JCAD: variants seen among roughly 807,000 people sequenced by gnomAD.
The protein encoded by JCAD is junctional cadherin 5 associated, also known as junctional cadherin 5-associated protein.
Under a neutral mutation model 98.0 loss-of-function variants are expected in JCAD, and 40 were observed. The ratio of observed to expected loss-of-function variants is 0.41; its 90% CI spans 0.32 to 0.53. The LOEUF is 0.53. JCAD is among the 20% of genes least tolerant of loss of function. The pLI, the probability that JCAD is intolerant of heterozygous loss-of-function variation, is 0.31. For missense variants in JCAD, 1,705 were observed against 1,738.1 expected (o/e 0.98, Z 0.34); for synonymous variants, 691 against 682.3 (o/e 1.01, Z -0.20).
Position 30,028,047 on chromosome 10 carries a change from T to C in JCAD, c.2101A>G (p.Ser701Gly). ...TTTGCACCAGGGAGCAGCTGCGAAC[T>C]TTGGGGCTCCTCGGAGAAACTGGTT... ...TQTSFSEEPQ[S>G]SQLLPGAKLG... The change falls in exon 3 of 4, where the codon AGT becomes GGT. Residue 701 changes from serine to glycine, a missense_variant. Around this residue, in one of 3 missense-constraint regions of JCAD, gnomAD observed 1,278 missense variants for 1,243.1 expected, o/e 1.03. Transcript: ENST00000375377. 6.2e-7 allele frequency: 1 copy of C among 1,614,236 alleles called. No homozygotes were observed. Among genetic ancestry groups the C allele is most frequent in the South Asian group, 1.1e-5 (1 of 91,082 alleles).
chr10:30,049,908 G>C (rs866698163), intron 1 of JCAD, among the ~76,000 whole-genome samples: 1 of 152,176 alleles, frequency 6.6e-6, no homozygotes, highest in Non-Finnish European at 1.5e-5. Context: ...AGACAGAAGT[G>C]TTTGAGCTAG....
At position 30,015,692 on chromosome 10, in the gene JCAD, G is replaced by A. The variant is rs1480119663; in HGVS notation, c.*2191C>T. On this transcript the variant is annotated 3_prime_UTR_variant, in exon 4 of 4. Transcript: ENST00000375377. ...GAATGAGCTAAAATTAAGTTATTTTGATTCAAAGAGGTATTTAGATGGTAT... is the reference window on the plus strand; with the variant it reads ...GAATGAGCTAAAATTAAGTTATTTTAATTCAAAGAGGTATTTAGATGGTAT... The A allele has an allele frequency of 1.3e-5, 2 of 152,184 alleles. No individual in the cohort carries two copies. Among genetic ancestry groups the A allele is most frequent in the Non-Finnish European group, 2.9e-5 (2 of 68,036 alleles). The allele number at this position is 152,184 out of a possible 1,614,324, so 9.4% of individuals were successfully genotyped here.
intron 1 of JCAD, among the ~76,000 whole-genome samples, chr10:30,115,026 G>T (rs566215275): frequency 6.6e-6 from 1 of 152,178 alleles, no homozygotes; most frequent in South Asian, 2.1e-4. Context: ...AGCTGGTCAC[G>T]TGACCAACCT....
At chr10:30,087,030 C>A (rs111509427) in intron 1 of JCAD, among the ~76,000 whole-genome samples, 282 of 152,226 alleles carry the variant, frequency 1.9e-3, no homozygotes, top group Non-Finnish European at 3.5e-3. Context: ...CAATTAAGCA[C>A]GTAGTGTGGT....
chr10:30,096,755 C>G (rs1564471302), intron 1 of JCAD, among the ~76,000 whole-genome samples: 2 of 151,898 alleles, frequency 1.3e-5, no homozygotes, highest in Non-Finnish European at 2.9e-5. Context: ...TAGATTAAGG[C>G]TGCACGACAC....
Position 30,027,587 on chromosome 10 carries a change from C to G in JCAD, c.2561G>C (p.Ser854Thr). The G allele has an allele frequency of 6.2e-7, 1 of 1,614,226 alleles. No individual in the cohort carries two copies. The change falls in exon 3 of 4, where the codon AGC (serine) becomes ACC (threonine). Residue 854 changes from serine (S) to threonine (T), a missense_variant. Physicochemically the swap from Ser to Thr is moderately conservative, Grantham distance 58. Transcript: ENST00000375377. ...EEEESSSSSSSSSSSSEESEA... is the reference protein window; with the variant it reads ...EEEESSSSSSTSSSSSEESEA... The stretch of plus-strand genomic sequence containing the variant: ...ACTCTCCTCACTGCTGCTGCTGCTG[C>G]TGCTGCTGCTACTGCTGCTTTCTTC...
chr10:30,041,851 A>G (rs1837248616), intron 2 of JCAD, among the ~76,000 whole-genome samples: 1 of 152,236 alleles, frequency 6.6e-6, no homozygotes, highest in Non-Finnish European at 1.5e-5. Flanking sequence ...GCCTGATAAC[A>G]GCCTTTTACA....
chr10:30,113,872 T>G (rs527528017), intron 1 of JCAD, among the ~76,000 whole-genome samples: 8 of 152,300 alleles, frequency 5.3e-5, no homozygotes, highest in Admixed American at 4.6e-4. Flanking sequence ...AGGTGCATTT[T>G]CCTTTAAAAA....
intron 1 of JCAD, among the ~76,000 whole-genome samples, chr10:30,096,506 C>G (rs1292056067): frequency 6.6e-6 from 1 of 152,104 alleles, no homozygotes; most frequent in Non-Finnish European, 1.5e-5. Context: ...TTCATCACAC[C>G]TTGACATGAC....
chr10:30,026,004 T>A, intron 3 of JCAD, 99 bp downstream of exon 3: 5 of 1,367,816 alleles, frequency 3.7e-6, no homozygotes, highest in Non-Finnish European at 5.1e-6. Flanking sequence ...TGATCTTTTC[T>A]GAATATGCAG....
At chr10:30,062,590 T>G (rs775238593), upstream of JCAD, among the ~76,000 whole-genome samples, 1 of 151,978 alleles carries the variant, frequency 6.6e-6, no homozygotes, top group Admixed American at 6.6e-5. Flanking sequence ...GGTAATTTAT[T>G]AAGGAAAGAG....
In JCAD at chr10:30,027,156, C is replaced by G. The variant is rs752910983; in HGVS notation, c.2992G>C (p.Glu998Gln). Reference protein sequence around the residue: ...LPASYPAEPREPQESPKITSA... With the variant: ...LPASYPAEPRQPQESPKITSA... ...GTGATTTTCGGACTTTCCTGGGGCTCCCTAGGTTCAGCTGGATAGGACGCG... is the reference window on the plus strand; with the variant it reads ...GTGATTTTCGGACTTTCCTGGGGCTGCCTAGGTTCAGCTGGATAGGACGCG... Residue 998 changes from glutamate to glutamine, a missense_variant, in exon 3 of 4, where the codon GAG becomes CAG. By Grantham distance (29) the Glu-to-Gln change is conservative. Coordinates refer to ENST00000375377, the MANE Select transcript of JCAD (RefSeq NM_020848.4). The G allele has an allele frequency of 2.4e-5, 38 of 1,613,970 alleles. No individual in the cohort carries two copies. The highest frequency in any genetic ancestry group is 3.2e-5 in the Non-Finnish European group (38 of 1,179,966).
In JCAD at chr10:30,115,129, C is replaced by G. The variant is rs148053564; in HGVS notation, n.128+238G>C. Among the ~76,000 whole-genome samples, 126 of 152,272 alleles carry G rather than the reference C, an allele frequency of 8.3e-4. 3 individuals are homozygous for G. Among genetic ancestry groups the G allele is most frequent in the Admixed American group, 1.5e-3 (23 of 15,288 alleles). ...ACCAAATGCGATGCGGCGACTCCAA[C>G]GAAGCATCTCTCTTTCTCAAACACC... On this transcript the variant is annotated intron_variant and non_coding_transcript_variant, in intron 1 of 2. Transcript: ENST00000465712.
intron 3 of JCAD, among the ~76,000 whole-genome samples, chr10:30,025,841 G>A (rs1487388080): frequency 2.0e-5 from 3 of 152,142 alleles, no homozygotes; most frequent in Admixed American, 6.5e-5. Context: ...GCAGTGAGCA[G>A]AGATTGCACA....
intron 1 of JCAD, among the ~76,000 whole-genome samples, chr10:30,053,554 T>G (rs1289424016): frequency 8.1e-6 from 1 of 123,628 alleles, no homozygotes; most frequent in Non-Finnish European, 1.8e-5. Flanking sequence ...GCGGATACTC[T>G]GTCTCAAAAA....
At chr10:30,041,986 TTGTG>T in intron 2 of JCAD, among the ~76,000 whole-genome samples, 1 of 151,628 alleles carries the variant, frequency 6.6e-6, no homozygotes, top group East Asian at 1.9e-4. Context: ...GTGTGTGTGT[TTGTG>T]TGTGTGTGTG....
Position 30,048,298 on chromosome 10 carries a change from T to A in JCAD, c.-59-427A>T, listed in dbSNP as rs1837397731. Among the ~76,000 whole-genome samples the A allele has an allele frequency of 3.3e-5, 5 of 152,118 alleles. No individual in the cohort carries two copies. In the South Asian group the frequency reaches 1.0e-3, roughly 32 times the overall value. On this transcript the variant is annotated intron_variant, in intron 1 of 3. Coordinates refer to ENST00000375377, the MANE Select transcript of JCAD (RefSeq NM_020848.4). ...TTTCTAAAAAGAGAAACCACCAATATCCAGCTTAATCTTAGGACACGCCCC... is the reference window on the plus strand; with the variant it reads ...TTTCTAAAAAGAGAAACCACCAATAACCAGCTTAATCTTAGGACACGCCCC...
At chr10:30,114,925 T>C (rs1284512183) in intron 1 of JCAD, among the ~76,000 whole-genome samples, 4 of 152,168 alleles carry the variant, frequency 2.6e-5, no homozygotes, top group Admixed American at 2.6e-4. Context: ...CCTGATTACT[T>C]GAAGAGCAGC....
At chr10:30,044,511 G>A (rs148250148) in intron 2 of JCAD, among the ~76,000 whole-genome samples, 31 of 152,166 alleles carry the variant, frequency 2.0e-4, no homozygotes, top group African/African-American at 6.3e-4. Context: ...GGCTATCCCG[G>A]GCCCCAGGTA....
Sources: allele counts gnomAD v4.1 joint callset (sites outside exome capture counted in the v4.1 genomes callset), GRCh38; gene constraint gnomAD v4.1.1; regional missense constraint gnomAD v4.1.1; transcripts MANE v1.5; gene names NCBI Gene and HGNC (gene_info 2026-07-23, HGNC 2026-07-21).